RPS6KA6: variants seen among roughly 807,000 people sequenced by gnomAD.
RPS6KA6 encodes the protein ribosomal protein S6 kinase alpha-6.
RPS6KA6 carries 27 observed loss-of-function variants against 65.4 expected under a neutral mutation model. The ratio of observed to expected loss-of-function variants is 0.41; its 90% CI spans 0.30 to 0.57. RPS6KA6 has a LOEUF of 0.57. RPS6KA6 is among the 20% of genes least tolerant of loss of function. The pLI, the probability that RPS6KA6 is intolerant of heterozygous loss-of-function variation, is 0.24. For synonymous variants in RPS6KA6, 190 were observed against 184.2 expected, an observed-to-expected ratio of 1.03 and a Z score of -0.26; for missense variants, 486 against 555.6, an observed-to-expected ratio of 0.87 and a Z score of 1.26.
intron 12 of RPS6KA6, among the ~76,000 whole-genome samples, chrX:84,111,374 C>T (rs1197274611): frequency 2.7e-5 from 3 of 110,784 alleles, no homozygotes; most frequent in Non-Finnish European, 3.8e-5. Flanking sequence ...CAAACATGAC[C>T]GAGGGATATA....
intron 20 of RPS6KA6, among the ~76,000 whole-genome samples, chrX:84,073,933 C>T (rs970773544): frequency 1.8e-5 from 2 of 111,158 alleles, no homozygotes; most frequent in Admixed American, 1.9e-4. Context: ...GGAATGTAAA[C>T]TAGTACAGCC....
chrX:84,116,913 A>G (rs1474229898), intron 11 of RPS6KA6, 147 bp downstream of exon 11: 3 of 391,774 alleles, frequency 7.7e-6, no homozygotes, highest in Non-Finnish European at 1.3e-5. Context: ...GACATAACAG[A>G]GTTTACTTTG....
chrX:84,186,295 C>T (rs2035926822), intron 1 of RPS6KA6: 1 of 359,009 alleles, frequency 2.8e-6, no homozygotes, highest in African/African-American at 2.6e-5. Flanking sequence ...ATCCTTATAT[C>T]AAAGCATTTA....
intron 18 of RPS6KA6, among the ~76,000 whole-genome samples, chrX:84,099,439 G>C (rs928774574): frequency 9.0e-6 from 1 of 111,121 alleles, no homozygotes; most frequent in Non-Finnish European, 1.9e-5. Flanking sequence ...AATTAAAGTA[G>C]TCAGTGGCAT....
chrX:84,085,018 G>A (rs1038042786), intron 20 of RPS6KA6, among the ~76,000 whole-genome samples: 2 of 111,092 alleles, frequency 1.8e-5, no homozygotes, highest in Non-Finnish European at 3.8e-5. Flanking sequence ...CCTGTTGTTG[G>A]GGCATAGAAA....
At chrX:84,095,102 T>C (rs1314001733) in intron 20 of RPS6KA6, among the ~76,000 whole-genome samples, 1 of 111,772 alleles carries the variant, frequency 8.9e-6, no homozygotes, top group Non-Finnish European at 1.9e-5. Flanking sequence ...CATACTAAGG[T>C]TAAGATCCAA....
chrX:84,085,451 C>T (rs1472296399), intron 20 of RPS6KA6, among the ~76,000 whole-genome samples: 2 of 111,783 alleles, frequency 1.8e-5, no homozygotes, highest in Non-Finnish European at 3.8e-5. Context: ...TGGTTTTTGT[C>T]TTTAGTTCTG....
chrX:84,096,047 A>C, intron 20 of RPS6KA6, 147 bp downstream of exon 20: 1 of 450,739 alleles, frequency 2.2e-6, no homozygotes, highest in East Asian at 4.0e-5. Flanking sequence ...TATCCTTTGT[A>C]CACTGTTCAA....
chrX:84,180,809 A>G (rs986712705), intron 1 of RPS6KA6, among the ~76,000 whole-genome samples: 1 of 111,634 alleles, frequency 9.0e-6, no homozygotes, highest in Non-Finnish European at 1.9e-5. Context: ...TATTTTCAAT[A>G]TTGTCCTTAG....
At chrX:84,098,988 T>C (rs2034209425) in intron 18 of RPS6KA6, among the ~76,000 whole-genome samples, 1 of 111,351 alleles carries the variant, frequency 9.0e-6, no homozygotes, top group Admixed American at 9.6e-5. Flanking sequence ...GTGATTTTAT[T>C]CCCTTATCTC....
chrX:84,181,972 T>C (rs1350615167), intron 1 of RPS6KA6, among the ~76,000 whole-genome samples: 2 of 109,131 alleles, frequency 1.8e-5, no homozygotes, highest in African/African-American at 6.7e-5. Context: ...TCTCAAATGC[T>C]TGGTAAAATG....
At chrX:84,114,282 G>A (rs993907472) in intron 12 of RPS6KA6, among the ~76,000 whole-genome samples, 1 of 110,757 alleles carries the variant, frequency 9.0e-6, no homozygotes, top group African/African-American at 3.3e-5. Flanking sequence ...GAACCCAGAA[G>A]TTCCAGACCA....
chrX:84,152,012 C>T (rs6622934), intron 3 of RPS6KA6, among the ~76,000 whole-genome samples: 6,864 of 110,606 alleles, frequency 0.062, 230 homozygotes, highest in East Asian at 0.2. Flanking sequence ...TTGTAAAGAA[C>T]GGAATATGAA....
At chrX:84,086,742 TATA>T (rs1371995415) in intron 20 of RPS6KA6, among the ~76,000 whole-genome samples, 2 of 111,095 alleles carry the variant, frequency 1.8e-5, no homozygotes, top group Admixed American at 1.9e-4. Context: ...TGATAATCTG[TATA>T]ATATTGTCAC....
At chrX:84,123,256 C>T (rs1484397260) in intron 8 of RPS6KA6, among the ~76,000 whole-genome samples, 1 of 112,260 alleles carries the variant, frequency 8.9e-6, no homozygotes, top group Admixed American at 9.4e-5. Flanking sequence ...CAGGTGTGAT[C>T]CAACAAATTG....
At chrX:84,135,580 T>G (rs1602444993) in intron 6 of RPS6KA6, among the ~76,000 whole-genome samples, 1 of 111,467 alleles carries the variant, frequency 9.0e-6, no homozygotes, top group African/African-American at 3.3e-5. Flanking sequence ...ATAGTAACCC[T>G]TAGGGTATTT....
chrX:84,096,145 T>C lies in RPS6KA6; in HGVS notation c.1971+49A>G, dbSNP rs1202568146. 7.6e-6 allele frequency: 6 copies of C among 788,930 alleles called. No individual in the cohort carries two copies. The African/African-American group carries it at 1.2e-4, about 16-fold the overall frequency. 65.0% of individuals were successfully genotyped at this position (788,930 alleles called of 1,213,427 possible). On this transcript the variant is annotated intron_variant, in intron 20 of 21. Transcript: ENST00000262752. Reference sequence around the variant, plus strand: ...ACACACTAAGCTATAACTTAGGGATTTGAGCAATTTAACATGAATGCAACA... The same window carrying C: ...ACACACTAAGCTATAACTTAGGGATCTGAGCAATTTAACATGAATGCAACA...
chrX:84,156,056 G>GA lies in RPS6KA6; in HGVS notation c.258+18dup, dbSNP rs747358788. 2.0e-6 allele frequency: 2 copies of GA among 985,378 alleles called. No homozygotes were observed. The highest frequency in any genetic ancestry group is 2.0e-5 in the South Asian group (1 of 49,722). 81.2% of individuals were successfully genotyped at this position (985,378 alleles called of 1,213,427 possible). ...AATGTTTAGAAGAGGAACAAATGGG[G>GA]AAAAAAATTATTCATTACCTTTCCA... On this transcript the variant is annotated intron_variant, in intron 3 of 21. Transcript: ENST00000262752.
chrX:84,144,962 C>A (rs1281339752), intron 6 of RPS6KA6, among the ~76,000 whole-genome samples: 1 of 110,578 alleles, frequency 9.0e-6, no homozygotes, highest in African/African-American at 3.3e-5. Context: ...CTAGAAAGTA[C>A]AAACCAAATA....
Sources: gnomAD v4.1 joint callset for allele counts (sites outside exome capture counted in the v4.1 genomes callset) on GRCh38, gnomAD v4.1.1 for gene constraint, MANE v1.5 for transcripts, NCBI Gene and HGNC (gene_info 2026-07-23, HGNC 2026-07-21) for gene names.